The following EPB41L2 variants were observed in gnomAD, a reference collection of about 807,000 sequenced individuals.
EPB41L2 encodes erythrocyte membrane protein band 4.1 like 2.
In EPB41L2, 43 loss-of-function variants were observed where a neutral mutation model predicts 113.0. The observed-to-expected ratio is 0.38, with a 90% confidence interval of 0.30 to 0.49. The LOEUF is 0.49. Among genes scored for constraint, EPB41L2 ranks in the 20% least tolerant of loss-of-function variants. The probability of loss-of-function intolerance (pLI) is 0.95; values close to 1 mark genes in which losing one functional copy is unlikely to be tolerated. For missense variants in EPB41L2, 1,147 were observed against 1,223.4 expected (o/e 0.94, Z 0.93); for synonymous variants, 442 against 436.7 (o/e 1.01, Z -0.15).
In EPB41L2 at chr6:130,901,840, G is replaced by A. The variant is rs117464041; in HGVS notation, c.930-660C>T. ...GAACTCTACCTCCCTTTGAAGATGAGCATGAACATTAGATAATATAAATAA... is the reference window on the plus strand; with the variant it reads ...GAACTCTACCTCCCTTTGAAGATGAACATGAACATTAGATAATATAAATAA... On this transcript the variant is annotated intron_variant, in intron 6 of 19. Transcript: ENST00000337057. Among the ~76,000 whole-genome samples the A allele has an allele frequency of 8.5e-3, 1,296 of 152,274 alleles. 10 individuals carry two copies. Among genetic ancestry groups the A allele is most frequent in the South Asian group, 0.021 (100 of 4,824 alleles).
At chr6:130,950,396 GAAT>G (rs1290999654) in intron 3 of EPB41L2, among the ~76,000 whole-genome samples, 12 of 151,824 alleles carry the variant, frequency 7.9e-5, no homozygotes, top group Middle Eastern at 3.4e-3. Context: ...CACAAAACAA[GAAT>G]ATTATGAAAA....
At chr6:130,849,103 G>A (rs920265709) in intron 19 of EPB41L2, among the ~76,000 whole-genome samples, 5 of 152,180 alleles carry the variant, frequency 3.3e-5, no homozygotes, top group African/African-American at 9.7e-5. Context: ...GGCCCCAAGG[G>A]CCTCAACATA....
chr6:130,910,850 C>T (rs904273737), intron 4 of EPB41L2, among the ~76,000 whole-genome samples: 1 of 152,128 alleles, frequency 6.6e-6, no homozygotes. Context: ...GTTAGAATGG[C>T]GATCGTTAAA....
At chr6:130,883,778 T>C (rs941785064) in intron 12 of EPB41L2, among the ~76,000 whole-genome samples, 76 of 152,224 alleles carry the variant, frequency 5.0e-4, no homozygotes, top group African/African-American at 1.8e-3. Context: ...TATTTTTATC[T>C]GAATTCCCCA....
chr6:130,839,529 T>C lies in EPB41L2; in HGVS notation c.*1075A>G, dbSNP rs370164469. 6.6e-6 allele frequency: 1 copy of C among 152,194 alleles called. No homozygotes were observed. The highest frequency in any genetic ancestry group is 1.5e-5 in the Non-Finnish European group (1 of 68,044). 9.4% of individuals were successfully genotyped at this position (152,194 alleles called of 1,614,324 possible). A position where few individuals can be genotyped will look rare whatever the true frequency, so the allele number is the denominator to read the frequency against. On this transcript the variant is annotated 3_prime_UTR_variant, in exon 20 of 20. Transcript: ENST00000337057. ...TCGGGTCTCTGGTGCCAGCTTTAAA[T>C]GGTATAACTTTCTTGTAACCAACAG...
rs1807497747 is a variant in EPB41L2 at position 130,933,146 on chromosome 6, GT to G, written c.706-6438del. 2.6e-5 allele frequency among the ~76,000 whole-genome samples: 4 copies of G among 152,284 alleles called. No individual in the cohort carries two copies. The South Asian group carries it at 8.3e-4, about 32-fold the overall frequency. On this transcript the variant is annotated intron_variant, in intron 3 of 19. Coordinates refer to ENST00000337057, the MANE Select transcript of EPB41L2 (RefSeq NM_001431.4). The stretch of plus-strand genomic sequence containing the variant: ...CATCTTTATGCAGAAAGGACAGGGG[GT>G]TTCCTAGTCTTGCACATTCCTCCAC...
chr6:131,062,575 G>C (rs1798889795), intron 1 of EPB41L2: 1 of 151,472 alleles, frequency 6.6e-6, no homozygotes, highest in African/African-American at 2.4e-5. Context: ...CGCACCGCGC[G>C]TGGGGCTGGC....
intron 1 of EPB41L2, among the ~76,000 whole-genome samples, chr6:131,006,317 A>T (rs1028166846): frequency 1.3e-5 from 2 of 150,544 alleles, no homozygotes; most frequent in Admixed American, 6.6e-5. Context: ...TCTGCCTCCC[A>T]AAGTGCTGGG....
chr6:130,894,255 A>T lies in EPB41L2; in HGVS notation c.1487+89T>A. The T allele has an allele frequency of 4.9e-6, 5 of 1,027,394 alleles. No individual in the cohort carries two copies. The South Asian group carries it at 6.6e-5, about 14-fold the overall frequency. The allele number at this position is 1,027,394 out of a possible 1,614,324, so 63.6% of individuals were successfully genotyped here. A position where few individuals can be genotyped will look rare whatever the true frequency, so the allele number is the denominator to read the frequency against. ...GGCTGGTCTCAAACTCCTGGGGTCA[A>T]GTGATCCTCCCACCTCTGCCTCCTG... is the stretch of plus-strand genomic sequence containing the variant. On this transcript the variant is annotated intron_variant, in intron 10 of 19. Coordinates refer to ENST00000337057, the MANE Select transcript of EPB41L2 (RefSeq NM_001431.4).
chr6:131,002,599 G>A (rs1350592554), intron 1 of EPB41L2, among the ~76,000 whole-genome samples: 2 of 152,360 alleles, frequency 1.3e-5, no homozygotes, highest in South Asian at 2.1e-4. Flanking sequence ...AATCTGGCAT[G>A]TGAGATGATA....
At chr6:130,940,235 C>G (rs1810348494) in intron 3 of EPB41L2, among the ~76,000 whole-genome samples, 1 of 152,112 alleles carries the variant, frequency 6.6e-6, no homozygotes. Context: ...CAAAGAAAGC[C>G]TGGATCAAAA....
rs71030727 is a variant in EPB41L2 at position 131,053,434 on chromosome 6, TAAAAAAA to T, written c.-15+9714_-15+9720del. ...GACGAAGGGACGAACATGGAAATGA[TAAAAAAA>T]AAAAAAAAAAAAAAAAAAGAAACTG... is the stretch of plus-strand genomic sequence containing the variant. On this transcript the variant is annotated intron_variant, in intron 1 of 19. Coordinates refer to ENST00000337057, the MANE Select transcript of EPB41L2 (RefSeq NM_001431.4). 9.4e-3 allele frequency among the ~76,000 whole-genome samples: 836 copies of T among 88,892 alleles called. 8 individuals are homozygous for T. Among genetic ancestry groups the T allele is most frequent in the African/African-American group, 0.033 (787 of 23,530 alleles). The allele number at this position is 88,892 out of a possible 152,430, so 58.3% of individuals were successfully genotyped here. A position where few individuals can be genotyped will look rare whatever the true frequency, so the allele number is the denominator to read the frequency against.
chr6:131,052,088 C>G (rs555445207), intron 1 of EPB41L2, among the ~76,000 whole-genome samples: 1 of 152,032 alleles, frequency 6.6e-6, no homozygotes, highest in South Asian at 2.1e-4. Context: ...AGGCGCCCAC[C>G]ACCACACCCA....
chr6:131,023,714 C>CGTGT (rs57842026), intron 1 of EPB41L2, among the ~76,000 whole-genome samples: 3,343 of 142,124 alleles, frequency 0.024, 71 homozygotes, highest in Non-Finnish European at 0.035. Flanking sequence ...AAAATGTGTG[C>CGTGT]GTGTGTGTGT....
At chr6:130,866,449 C>G (rs1008140716) in intron 16 of EPB41L2, among the ~76,000 whole-genome samples, 2 of 152,186 alleles carry the variant, frequency 1.3e-5, no homozygotes, top group African/African-American at 4.8e-5. Flanking sequence ...AAATCTCTTT[C>G]AAACTTGGGT....
chr6:130,874,048 A>G (rs1786661777), intron 14 of EPB41L2, among the ~76,000 whole-genome samples: 1 of 152,194 alleles, frequency 6.6e-6, no homozygotes, highest in South Asian at 2.1e-4. Flanking sequence ...ATCCAATGAC[A>G]TACCTTCAAA....
chr6:130,939,151 C>T (rs1809896095), intron 3 of EPB41L2, among the ~76,000 whole-genome samples: 1 of 152,098 alleles, frequency 6.6e-6, no homozygotes, highest in African/African-American at 2.4e-5. Context: ...AATGCTTGGT[C>T]CAGAAATGTT....
intron 1 of EPB41L2, among the ~76,000 whole-genome samples, chr6:131,042,116 C>T (rs1033797395): frequency 3.9e-5 from 6 of 152,204 alleles, no homozygotes; most frequent in South Asian, 2.1e-4. Flanking sequence ...AAGGCGGGTA[C>T]GTGGGGATTC....
chr6:130,880,225 C>T lies in EPB41L2; in HGVS notation c.1834-19G>A. 1.3e-6 allele frequency: 2 copies of T among 1,578,282 alleles called. No homozygotes were observed. The highest frequency in any genetic ancestry group is 1.7e-6 in the Non-Finnish European group (2 of 1,148,226). ...AATTTTTCTGTGAAATTAAATCACACACAGGGGGGAAAAGGCAAATAAACA... is the reference window on the plus strand; with the variant it reads ...AATTTTTCTGTGAAATTAAATCACATACAGGGGGGAAAAGGCAAATAAACA... On this transcript the variant is annotated intron_variant, in intron 12 of 19. Transcript: ENST00000337057.
Sources: allele counts gnomAD v4.1 joint callset (sites outside exome capture counted in the v4.1 genomes callset), GRCh38; gene constraint gnomAD v4.1.1; transcripts MANE v1.5; gene names NCBI Gene and HGNC (gene_info 2026-07-23, HGNC 2026-07-21).